LY75: variants seen among roughly 807,000 people sequenced by gnomAD.
The protein encoded by LY75 is lymphocyte antigen 75.
In LY75, 185 loss-of-function variants were observed where a neutral mutation model predicts 231.7. The observed-to-expected ratio is 0.80, with a 90% confidence interval of 0.71 to 0.90. LY75 has a LOEUF of 0.90. Among genes scored for constraint, LY75 ranks in the 40% least tolerant of loss-of-function variants. The pLI, the probability that LY75 is intolerant of heterozygous loss-of-function variation, is 0.00. For missense variants in LY75, 1,947 were observed against 2,050.2 expected (o/e 0.95, Z 0.97); for synonymous variants, 668 against 689.0 (o/e 0.97, Z 0.48).
At chr2:159,885,575 C>T (rs756568705) in intron 5 of LY75, among the ~76,000 whole-genome samples, 2 of 152,084 alleles carry the variant, frequency 1.3e-5, no homozygotes, top group Non-Finnish European at 2.9e-5. Flanking sequence ...AGGCCATATT[C>T]TATGCTTAGT....
rs199783294 is a variant in LY75, at chr2:159,881,241, C to G, written c.1247-1G>C. ...CCTATCCACACTTCTTCTTTGATAT[C>G]TAAAAGAAAAATGTATTATTTGTTT... is the stretch of plus-strand genomic sequence containing the variant. On this transcript the variant is annotated splice_acceptor_variant, in intron 7 of 34. Coordinates refer to ENST00000263636, the MANE Select transcript of LY75 (RefSeq NM_002349.4). LOFTEE classifies it high-confidence loss of function. 84 of 1,606,894 alleles carry G rather than the reference C, an allele frequency of 5.2e-5. No individual in the cohort carries two copies. The highest frequency in any genetic ancestry group is 1.7e-5 in the Admixed American group (1 of 58,862).
At chr2:159,812,151 A>G (rs920698855) in intron 31 of LY75, 13 of 151,014 alleles carry the variant, frequency 8.6e-5, no homozygotes, top group African/African-American at 2.9e-4. Flanking sequence ...TTTTAACATT[A>G]CTTCTTGCAC....
intron 4 of LY75, among the ~76,000 whole-genome samples, chr2:159,889,978 C>T (rs760127071): frequency 6.6e-6 from 1 of 152,168 alleles, no homozygotes; most frequent in Non-Finnish European, 1.5e-5. Flanking sequence ...TGCTACCCAA[C>T]CTTGTTTTCT....
At chr2:159,823,705 T>A (rs1017172264) in intron 28 of LY75, among the ~76,000 whole-genome samples, 1 of 152,140 alleles carries the variant, frequency 6.6e-6, no homozygotes, top group African/African-American at 2.4e-5. Flanking sequence ...GAGAGAAAGG[T>A]CAGGTTACCC....
At chr2:159,887,211 TCACACACACACACACACACA>T (rs370794967) in intron 4 of LY75, among the ~76,000 whole-genome samples, 1 of 129,970 alleles carries the variant, frequency 7.7e-6, no homozygotes, top group Non-Finnish European at 1.6e-5. Flanking sequence ...AGAGTGAGAG[TCACACACACACACACACACA>T]CACACACACA....
chr2:159,898,975 T>G lies in LY75; in HGVS notation c.179A>C (p.Asp60Ala), dbSNP rs542748278. 1.2e-6 allele frequency: 2 copies of G among 1,614,250 alleles called. No individual in the cohort carries two copies. The highest frequency in any genetic ancestry group is 3.3e-5 in the Admixed American group (2 of 60,032). Residue 60 changes from aspartate to alanine, a missense_variant, in exon 2 of 35, where the codon GAT becomes GCT. Physicochemically the swap from Asp to Ala is moderately radical, Grantham distance 126. Transcript: ENST00000263636. Reference sequence around the variant, plus strand: ...CTTCCATAACTTGTCCTCAGTTTCATCACAGTCGTCTGCTACTATCCAGCC... The same window carrying G: ...CTTCCATAACTTGTCCTCAGTTTCAGCACAGTCGTCTGCTACTATCCAGCC... ...VYGWIVADDC[D>A]ETEDKLWKWV...
intron 22 of LY75, 49 bp from the exon 23 acceptor site, chr2:159,850,189 A>G (rs766702779): frequency 1.3e-6 from 2 of 1,556,048 alleles, no homozygotes; most frequent in Admixed American, 2.1e-5. Flanking sequence ...CAAATTAAAG[A>G]TACATTAAAA....
intron 12 of LY75, among the ~76,000 whole-genome samples, chr2:159,874,084 G>GTATATATTTTGTAAAAATATATACGTA (rs1553809698): frequency 0.013 from 82 of 6,452 alleles, 2 homozygotes; most frequent in Non-Finnish European, 0.034. Context: ...ATATATAAAC[G>GTATATATTTTGTAAAAATATATACGTA]TATATATTTT....
At chr2:159,839,731 C>T (rs11896565) in intron 25 of LY75, among the ~76,000 whole-genome samples, 107,830 of 151,990 alleles carry the variant, frequency 0.71, 38,753 homozygotes, top group African/African-American at 0.75. Context: ...GGAAGCTGGT[C>T]GTGGTGGCTC....
chr2:159,898,963 T>A lies in LY75; in HGVS notation c.191A>T (p.Asp64Val). The part of the protein sequence containing the change: ...IVADDCDETE[D>V]KLWKWVSQHR... ...CTGGGACACCCACTTCCATAACTTGTCCTCAGTTTCATCACAGTCGTCTGC... is the reference window on the plus strand; with the variant it reads ...CTGGGACACCCACTTCCATAACTTGACCTCAGTTTCATCACAGTCGTCTGC... The change falls in exon 2 of 35, where the codon GAC (aspartate) becomes GTC (valine). Residue 64 changes from aspartate (D) to valine (V), a missense_variant. Asp to Val is a radical substitution (Grantham distance 152). Transcript: ENST00000263636. 6.2e-7 allele frequency: 1 copy of A among 1,614,222 alleles called. No individual in the cohort carries two copies. Among genetic ancestry groups the A allele is most frequent in the South Asian group, 1.1e-5 (1 of 91,090 alleles).
intron 27 of LY75, 36 bp downstream of exon 27, chr2:159,834,008 T>C: frequency 6.2e-7 from 1 of 1,603,248 alleles, no homozygotes; most frequent in East Asian, 2.2e-5. Context: ...GGTATGTCCT[T>C]ATAGCAACAT....
chr2:159,881,038 A>G, intron 8 of LY75, 45 bp downstream of exon 8: 5 of 1,582,060 alleles, frequency 3.2e-6, no homozygotes, highest in Middle Eastern at 1.7e-4. Flanking sequence ...TATTATCATT[A>G]GGTAAAACAG....
Position 159,810,514 on chromosome 2 carries a change from A to G in LY75, c.4699+12T>C. Reference sequence around the variant, plus strand: ...TATTGAGTCATAAGAAAATCAACAAATTTTAACTCACCATGTTTTGAACAC... The same window carrying G: ...TATTGAGTCATAAGAAAATCAACAAGTTTTAACTCACCATGTTTTGAACAC... On this transcript the variant is annotated intron_variant, in intron 32 of 34. Transcript: ENST00000263636. 1 of 1,605,898 alleles carries G rather than the reference A, an allele frequency of 6.2e-7. No homozygotes were observed. The highest frequency in any genetic ancestry group is 1.3e-5 in the African/African-American group (1 of 74,568).
intron 2 of LY75, 98 bp from the exon 3 acceptor site, chr2:159,894,182 T>TAAA (rs1685841384): frequency 7.3e-7 from 1 of 1,378,562 alleles, no homozygotes; most frequent in African/African-American, 1.5e-5. Context: ...AAACGTTGTT[T>TAAA]AGAATACAAT....
chr2:159,851,438 A>C (rs1684399180), intron 21 of LY75, among the ~76,000 whole-genome samples: 1 of 152,180 alleles, frequency 6.6e-6, no homozygotes, highest in African/African-American at 2.4e-5. Context: ...TAACTTCTAG[A>C]AAAGACCCTA....
chr2:159,829,476 CA>C (rs1250996013), intron 28 of LY75, among the ~76,000 whole-genome samples: 3 of 152,180 alleles, frequency 2.0e-5, no homozygotes, highest in South Asian at 2.1e-4. Flanking sequence ...ATTGAAAAAT[CA>C]AAAATGTTTA....
At chr2:159,856,691 C>T (rs1684557998) in intron 16 of LY75, among the ~76,000 whole-genome samples, 1 of 152,074 alleles carries the variant, frequency 6.6e-6, no homozygotes, top group Admixed American at 6.6e-5. Flanking sequence ...TATTTTATTT[C>T]TGCATGGGGA....
At chr2:159,817,183 G>C in intron 29 of LY75, 151 bp from the exon 30 acceptor site, 1 of 802,038 alleles carries the variant, frequency 1.2e-6, no homozygotes, top group Non-Finnish European at 1.9e-6. Context: ...TTTCTTACTG[G>C]TATGACACAT....
At chr2:159,855,904 C>T (rs1482855928) in intron 16 of LY75, among the ~76,000 whole-genome samples, 1 of 152,196 alleles carries the variant, frequency 6.6e-6, no homozygotes, top group Admixed American at 6.5e-5. Flanking sequence ...GAGCCTCAGG[C>T]AGGCATCAGA....
Sources: gnomAD v4.1 joint callset for allele counts (sites outside exome capture counted in the v4.1 genomes callset) on GRCh38, gnomAD v4.1.1 for gene constraint, MANE v1.5 for transcripts, NCBI Gene and HGNC (gene_info 2026-07-23, HGNC 2026-07-21) for gene names.